RASGEF1C: variants seen among roughly 807,000 people sequenced by gnomAD.
RASGEF1C encodes ras-GEF domain-containing family member 1C.
A neutral mutation model predicts 58.1 loss-of-function variants in RASGEF1C; 27 were observed. That is an observed-to-expected ratio of 0.46 (90% CI 0.34 to 0.64). The LOEUF is 0.64. RASGEF1C is among the 30% of genes least tolerant of loss of function. The pLI is 0.01. For missense variants in RASGEF1C, 502 were observed against 605.1 expected (o/e 0.83, Z 1.79); for synonymous variants, 243 against 246.3 (o/e 0.99, Z 0.13).
At chr5:180,173,960 G>T (rs1767167046) in intron 1 of RASGEF1C, among the ~76,000 whole-genome samples, 1 of 150,908 alleles carries the variant, frequency 6.6e-6, no homozygotes, top group Non-Finnish European at 1.5e-5. Flanking sequence ...TTCATTCATT[G>T]TGATCCATGA....
intron 9 of RASGEF1C, 24 bp from the exon 10 acceptor site, chr5:180,118,728 T>G (rs772499093): frequency 9.3e-6 from 15 of 1,613,950 alleles, no homozygotes; most frequent in African/African-American, 1.3e-5. Flanking sequence ...GGGAGGCATG[T>G]GGGCAGTTCT....
chr5:180,127,276 C>T (rs1219854217), intron 6 of RASGEF1C, among the ~76,000 whole-genome samples: 2 of 152,180 alleles, frequency 1.3e-5, no homozygotes, highest in Non-Finnish European at 2.9e-5. Context: ...TCCCGGAGCG[C>T]GCCAGGGGGC....
rs181222624 is a variant in RASGEF1C at position 180,185,269 on chromosome 5, T to C, written c.-7+23759A>G. Among the ~76,000 whole-genome samples, 22 of 132,976 alleles carry C rather than the reference T, an allele frequency of 1.7e-4. No individual in the cohort carries two copies. In the East Asian group the frequency reaches 4.3e-3, roughly 26 times the overall value. 87.2% of individuals were successfully genotyped at this position (132,976 alleles called of 152,430 possible). Reference sequence around the variant, plus strand: ...TCGCGCCACTGCACTCCAGCCTGAGTGACAGAGCGAGACTCTGTCTAAAAA... The same window carrying C: ...TCGCGCCACTGCACTCCAGCCTGAGCGACAGAGCGAGACTCTGTCTAAAAA... On this transcript the variant is annotated intron_variant, in intron 1 of 13. Coordinates refer to ENST00000361132, the MANE Select transcript of RASGEF1C (RefSeq NM_175062.4).
intron 11 of RASGEF1C, among the ~76,000 whole-genome samples, chr5:180,112,926 C>CTG (rs1765983877): frequency 6.0e-5 from 3 of 50,104 alleles, no homozygotes; most frequent in East Asian, 6.9e-4. Flanking sequence ...CAGAGGGATC[C>CTG]GGGATGGACG....
chr5:180,110,967 T>G (rs1357746216), intron 12 of RASGEF1C, among the ~76,000 whole-genome samples: 1 of 152,114 alleles, frequency 6.6e-6, no homozygotes, highest in Non-Finnish European at 1.5e-5. Context: ...AGGTAGGCAC[T>G]ACAACGCCCG....
At chr5:180,127,766 G>T in intron 5 of RASGEF1C, 83 bp from the exon 6 acceptor site, 2 of 1,307,662 alleles carry the variant, frequency 1.5e-6, no homozygotes, top group Non-Finnish European at 2.1e-6. Context: ...TGGTGCCCCA[G>T]CCCCTAGTCC....
At chr5:180,142,280 A>G (rs1043662775) in intron 1 of RASGEF1C, among the ~76,000 whole-genome samples, 1 of 152,280 alleles carries the variant, frequency 6.6e-6, no homozygotes, top group East Asian at 1.9e-4. Flanking sequence ...CTTCCTACCC[A>G]TGAAATGAAT....
At chr5:180,146,529 G>A (rs1265783354) in intron 1 of RASGEF1C, among the ~76,000 whole-genome samples, 1 of 151,600 alleles carries the variant, frequency 6.6e-6, no homozygotes, top group East Asian at 1.9e-4. Context: ...TGTCATGAAA[G>A]GGCATTGAAT....
chr5:180,111,109 T>C (rs1030252538), intron 12 of RASGEF1C, among the ~76,000 whole-genome samples: 16 of 152,194 alleles, frequency 1.1e-4, no homozygotes, highest in African/African-American at 3.1e-4. Context: ...TCACTGTGCC[T>C]GGCGAGGGTG....
At position 180,136,456 on chromosome 5, in the gene RASGEF1C, G is replaced by A. The variant is rs1766475330; in HGVS notation, c.360C>T (p.Thr120=). The A allele has an allele frequency of 1.3e-6, 2 of 1,561,530 alleles. No homozygotes were observed. Among genetic ancestry groups the A allele is most frequent in the Non-Finnish European group, 1.7e-6 (2 of 1,152,612 alleles). Residue 120 remains threonine (T), a synonymous_variant, in exon 4 of 14, where the codon ACC becomes ACT. Transcript: ENST00000361132. ...LLQLLAEWTE[T]FPRDFQEEST... ...ACTCTTCCTGGAAGTCCCTTGGGAA[G>A]GTCTCGGTCCACTCGGCCAACAGCT...
chr5:180,147,990 A>G (rs1258354486), intron 1 of RASGEF1C, among the ~76,000 whole-genome samples: 1 of 152,166 alleles, frequency 6.6e-6, no homozygotes, highest in Admixed American at 6.5e-5. Context: ...TCTCCTTTCA[A>G]TTCTGCCCAT....
chr5:180,207,423 C>T (rs1026849181), intron 1 of RASGEF1C, among the ~76,000 whole-genome samples: 3 of 152,234 alleles, frequency 2.0e-5, no homozygotes, highest in African/African-American at 7.2e-5. Flanking sequence ...GGAACCAAGG[C>T]CCCTTGGACA....
At chr5:180,166,120 C>A (rs1349456836) in intron 1 of RASGEF1C, among the ~76,000 whole-genome samples, 1 of 152,092 alleles carries the variant, frequency 6.6e-6, no homozygotes, top group Non-Finnish European at 1.5e-5. Flanking sequence ...ATATATTTAA[C>A]TTTTCACAGT....
rs200904857 is a variant in RASGEF1C, at chr5:180,183,460, TA to T, written c.-7+25567del. The stretch of plus-strand genomic sequence containing the variant: ...CAACAAAGGACATAAGCTAGAATCA[TA>T]AAAAAAAACCCAATTAATTCAAAAG... On this transcript the variant is annotated intron_variant, in intron 1 of 13. Coordinates refer to ENST00000361132, the MANE Select transcript of RASGEF1C (RefSeq NM_175062.4). Among the ~76,000 whole-genome samples the T allele has an allele frequency of 9.6e-4, 130 of 134,824 alleles. 1 individual carries two copies. Among genetic ancestry groups the T allele is most frequent in the South Asian group, 2.7e-3 (11 of 4,064 alleles). The allele number at this position is 134,824 out of a possible 152,430, so 88.4% of individuals were successfully genotyped here. A position where few individuals can be genotyped will look rare whatever the true frequency, so the allele number is the denominator to read the frequency against.
chr5:180,133,016 C>T (rs935673105), intron 4 of RASGEF1C, among the ~76,000 whole-genome samples: 2 of 151,548 alleles, frequency 1.3e-5, no homozygotes, highest in African/African-American at 4.8e-5. Context: ...AGAGGGGCTG[C>T]CTGTTGAGTC....
At chr5:180,179,709 C>T (rs1372257894) in intron 1 of RASGEF1C, among the ~76,000 whole-genome samples, 1 of 152,176 alleles carries the variant, frequency 6.6e-6, no homozygotes, top group Non-Finnish European at 1.5e-5. Context: ...CTGAAAGGAA[C>T]CCTGAGGAAG....
In RASGEF1C at chr5:180,119,000, AG is replaced by A. The variant is rs758671647; in HGVS notation, c.908-135del. ...CAGCCTGTCACATGGTGGGTGGGTG[AG>A]GGGGTGCTGGTGGACATCATGGTCA... is the stretch of plus-strand genomic sequence containing the variant. On this transcript the variant is annotated intron_variant, in intron 8 of 13. Coordinates refer to ENST00000361132, the MANE Select transcript of RASGEF1C (RefSeq NM_175062.4). 1.3e-4 allele frequency: 108 copies of A among 801,822 alleles called. 1 individual carries two copies. Among genetic ancestry groups the A allele is most frequent in the Middle Eastern group, 6.9e-4 (2 of 2,880 alleles). The allele number at this position is 801,822 out of a possible 1,614,324, so 49.7% of individuals were successfully genotyped here.
At chr5:180,206,561 T>C (rs1036962322) in intron 1 of RASGEF1C, among the ~76,000 whole-genome samples, 1 of 152,182 alleles carries the variant, frequency 6.6e-6, no homozygotes, top group Non-Finnish European at 1.5e-5. Context: ...TAAATCCACA[T>C]TCACTCCTAC....
chr5:180,152,692 A>G (rs1435371003), intron 1 of RASGEF1C, among the ~76,000 whole-genome samples: 3 of 151,240 alleles, frequency 2.0e-5, no homozygotes, highest in Non-Finnish European at 4.4e-5. Context: ...ATGCACATGT[A>G]CCCTAGAACT....
Sources: allele counts gnomAD v4.1 joint callset (sites outside exome capture counted in the v4.1 genomes callset), GRCh38; gene constraint gnomAD v4.1.1; transcripts MANE v1.5; gene names NCBI Gene and HGNC (gene_info 2026-07-23, HGNC 2026-07-21).